Variants in TMPRSS11E observed in about 807,000 individuals in gnomAD.
TMPRSS11E encodes the protein transmembrane protease serine 11E.
A neutral mutation model predicts 48.1 loss-of-function variants in TMPRSS11E; 38 were observed. The observed-to-expected ratio is 0.79, with a 90% CI of 0.61 to 1.04. The LOEUF is 1.04. Among genes scored for constraint, TMPRSS11E ranks in the 50% least tolerant of loss-of-function variants. TMPRSS11E has a pLI of 0.00. For missense variants in TMPRSS11E, 530 were observed against 510.8 expected, an observed-to-expected ratio of 1.04 and a Z score of -0.36; for synonymous variants, 158 against 171.9, an observed-to-expected ratio of 0.92 and a Z score of 0.63.
chr4:68,487,080 C>T (rs1729574156), intron 9 of TMPRSS11E, among the ~76,000 whole-genome samples: 1 of 152,112 alleles, frequency 6.6e-6, no homozygotes, highest in South Asian at 2.1e-4. Context: ...ATCCAATGGG[C>T]TACTCTGTCC....
In TMPRSS11E at chr4:68,471,577, T is replaced by C; in HGVS notation, c.444T>C (p.Asp148=). 1.9e-6 allele frequency: 3 copies of C among 1,611,270 alleles called. No homozygotes were observed. Among genetic ancestry groups the C allele is most frequent in the South Asian group, 1.1e-5 (1 of 90,732 alleles). Residue 148 remains aspartate (D), a synonymous_variant, in exon 5 of 10, where the codon GAT becomes GAC. Transcript: ENST00000305363. ...TTGTTTTACATGAAAAGCTGCAAGA[T>C]GCTGTAGGACCCCCTAAAGTAGATC... ...VQLVLHEKLQ[D]AVGPPKVDPH...
intron 1 of TMPRSS11E, among the ~76,000 whole-genome samples, chr4:68,448,697 T>A (rs1052483730): frequency 1.3e-5 from 2 of 151,832 alleles, no homozygotes; most frequent in Non-Finnish European, 2.9e-5. Flanking sequence ...AAGATGTGAC[T>A]ATTTTTAAAA....
rs529346858 is a variant in TMPRSS11E at position 68,481,391 on chromosome 4, C to G, written c.1110+2400C>G. 5.3e-5 allele frequency among the ~76,000 whole-genome samples: 8 copies of G among 152,332 alleles called. No homozygotes were observed. The East Asian group carries it at 1.5e-3, about 29-fold the overall frequency. ...TGAGAAATCTCCAAGCTGCTTCCCA[C>G]AGTGGCTGACCTAATTTACATTCCC... On this transcript the variant is annotated intron_variant, in intron 9 of 9. Coordinates refer to ENST00000305363, the MANE Select transcript of TMPRSS11E (RefSeq NM_014058.4).
chr4:68,482,071 G>A (rs972448688), intron 9 of TMPRSS11E, among the ~76,000 whole-genome samples: 1 of 152,192 alleles, frequency 6.6e-6, no homozygotes, highest in Non-Finnish European at 1.5e-5. Flanking sequence ...GCATCTGCTC[G>A]GTTTCTAGGG....
intron 4 of TMPRSS11E, among the ~76,000 whole-genome samples, chr4:68,469,829 A>G (rs1234719951): frequency 6.6e-6 from 1 of 151,956 alleles, no homozygotes; most frequent in Non-Finnish European, 1.5e-5. Context: ...TCCCTAACTC[A>G]GGAAGAATCC....
chr4:68,457,551 A>G (rs1728666844), intron 1 of TMPRSS11E, among the ~76,000 whole-genome samples: 1 of 152,226 alleles, frequency 6.6e-6, no homozygotes, highest in Non-Finnish European at 1.5e-5. Context: ...TACTGGGTAT[A>G]TACCAAAAGG....
intron 1 of TMPRSS11E, among the ~76,000 whole-genome samples, chr4:68,451,658 AAAT>A (rs1728500631): frequency 1.3e-5 from 2 of 151,984 alleles, no homozygotes; most frequent in Admixed American, 1.3e-4. Flanking sequence ...GTGCAGGACA[AAAT>A]AATAATTGCT....
intron 9 of TMPRSS11E, among the ~76,000 whole-genome samples, chr4:68,484,436 A>G (rs1474104762): frequency 6.6e-6 from 1 of 152,136 alleles, no homozygotes; most frequent in Non-Finnish European, 1.5e-5. Flanking sequence ...TCTCCTGAGT[A>G]GCGGGGACTA....
Position 68,496,704 on chromosome 4 carries a change from T to A in TMPRSS11E, c.1172T>A (p.Ile391Lys). 1 of 1,613,732 alleles carries A rather than the reference T, an allele frequency of 6.2e-7. No homozygotes were observed. The highest frequency in any genetic ancestry group is 8.5e-7 in the Non-Finnish European group (1 of 1,179,692). Residue 391 changes from isoleucine (I) to lysine (K), a missense_variant, in exon 10 of 10, where the codon ATA becomes AAA. Transcript: ENST00000305363. ...AGAGATATCTGGTACCTTGCTGGAA[T>A]AGTGAGCTGGGGAGATGAATGTGCG... ...DARDIWYLAG[I>K]VSWGDECAKP...
Position 68,461,876 on chromosome 4 carries a change from C to T in TMPRSS11E, c.67C>T (p.Leu23Phe). The change falls in exon 2 of 10, where the codon CTC (leucine) becomes TTC (phenylalanine). Residue 23 changes from leucine (L) to phenylalanine (F), a missense_variant. Physicochemically the swap from Leu to Phe is conservative, Grantham distance 22. Coordinates refer to ENST00000305363, the MANE Select transcript of TMPRSS11E (RefSeq NM_014058.4). ...RVCWEPWVIG[L>F]VIFISLIVLA... ...TTGTTGGGAACCCTGGGTTATCGGC[C>T]TCGTCATCTTCATATCCCTGATTGT... The T allele has an allele frequency of 6.2e-7, 1 of 1,614,156 alleles. No individual in the cohort carries two copies.
intron 9 of TMPRSS11E, among the ~76,000 whole-genome samples, chr4:68,486,279 C>T (rs1412808595): frequency 2.0e-5 from 3 of 152,080 alleles, no homozygotes; most frequent in Non-Finnish European, 2.9e-5. Flanking sequence ...TGGCATTTTG[C>T]CCCATAAACT....
rs1458716645 is a variant in TMPRSS11E, at chr4:68,491,286, A to G, written c.1111-5357A>G. Among the ~76,000 whole-genome samples, 8 of 121,324 alleles carry G rather than the reference A, an allele frequency of 6.6e-5. No individual in the cohort carries two copies. In the Admixed American group the frequency reaches 8.2e-4, roughly 12 times the overall value. The allele number at this position is 121,324 out of a possible 152,430, so 79.6% of individuals were successfully genotyped here. On this transcript the variant is annotated intron_variant, in intron 9 of 9. Transcript: ENST00000305363. ...CAGGTTGCTGGCTTCTTCCAAGTCC[A>G]TGATATATGAAGCAAAAAAAAAAAA...
rs1411469960 is a variant in TMPRSS11E at position 68,476,433 on chromosome 4, T to C, written c.702T>C (p.Phe234=). The C allele has an allele frequency of 4.4e-6, 7 of 1,608,412 alleles. No homozygotes were observed. Among genetic ancestry groups the C allele is most frequent in the Non-Finnish European group, 5.9e-6 (7 of 1,176,502 alleles). The change falls in exon 7 of 10, where the codon TTT becomes TTC. Residue 234 remains phenylalanine (F), a synonymous_variant. Coordinates refer to ENST00000305363, the MANE Select transcript of TMPRSS11E (RefSeq NM_014058.4). ...GGCTTGTGAGTGCTGCTCACTGTTT[T>C]ACAACGTAAGTCTTGAAGCTTGAGA... is the stretch of plus-strand genomic sequence containing the variant. ...ATWLVSAAHC[F]TTYKNPARWT...
intron 9 of TMPRSS11E, among the ~76,000 whole-genome samples, chr4:68,486,679 C>T (rs1014536950): frequency 3.3e-5 from 5 of 152,028 alleles, no homozygotes; most frequent in African/African-American, 7.2e-5. Context: ...AGTTTAGGTT[C>T]GGAATATCTT....
In TMPRSS11E at chr4:68,473,573, C is replaced by T. The variant is rs190684956; in HGVS notation, c.491-1150C>T. 1.3e-4 allele frequency among the ~76,000 whole-genome samples: 20 copies of T among 152,158 alleles called. 1 individual carries two copies. The East Asian group carries it at 3.5e-3, about 26-fold the overall frequency. On this transcript the variant is annotated intron_variant, in intron 5 of 9. Transcript: ENST00000305363. ...GTCTGCCAACACTATAATCCATTAT[C>T]CTATTGAACTTCATTTTCAAAACAC...
chr4:68,482,447 G>C (rs900838069), intron 9 of TMPRSS11E, among the ~76,000 whole-genome samples: 1 of 151,762 alleles, frequency 6.6e-6, no homozygotes, highest in Non-Finnish European at 1.5e-5. Flanking sequence ...AACTCATTCC[G>C]ACTTTAACTC....
At chr4:68,494,808 A>G (rs1445452263) in intron 9 of TMPRSS11E, among the ~76,000 whole-genome samples, 1 of 152,246 alleles carries the variant, frequency 6.6e-6, no homozygotes, top group African/African-American at 2.4e-5. Context: ...GCAAAGAAAA[A>G]TAATGTGGAA....
chr4:68,477,271 A>G (rs1560554949), intron 7 of TMPRSS11E, 98 bp from the exon 8 acceptor site: 1 of 1,224,718 alleles, frequency 8.2e-7, no homozygotes, highest in South Asian at 1.6e-5. Flanking sequence ...CTATAAAAAG[A>G]AAAAAAAATC....
intron 9 of TMPRSS11E, among the ~76,000 whole-genome samples, chr4:68,485,575 A>G (rs1408087886): frequency 6.6e-6 from 1 of 152,170 alleles, no homozygotes; most frequent in African/African-American, 2.4e-5. Context: ...GGATTTTTGC[A>G]TCAATGTTCA....
Sources: gnomAD v4.1 joint callset for allele counts (sites outside exome capture counted in the v4.1 genomes callset) on GRCh38, gnomAD v4.1.1 for gene constraint, MANE v1.5 for transcripts, NCBI Gene and HGNC (gene_info 2026-07-23, HGNC 2026-07-21) for gene names.